Variants in PIGK observed in about 807,000 individuals in gnomAD.
PIGK encodes phosphatidylinositol glycan anchor biosynthesis class K, also known as GPI-anchor transamidase.
A neutral mutation model predicts 50.6 loss-of-function variants in PIGK; 42 were observed. The observed-to-expected ratio is 0.83, with a 90% CI of 0.65 to 1.07. The LOEUF is 1.07. Among genes scored for constraint, PIGK ranks in the 50% least tolerant of loss-of-function variants. The probability of loss-of-function intolerance (pLI) is 0.00; values close to 1 mark genes in which losing one functional copy is unlikely to be tolerated. For synonymous variants in PIGK, 151 were observed against 156.0 expected (o/e 0.97, Z 0.24); for missense variants, 448 against 488.7 (o/e 0.92, Z 0.78).
intron 10 of PIGK, among the ~76,000 whole-genome samples, chr1:77,109,378 A>G (rs925056200): frequency 6.6e-6 from 1 of 152,180 alleles, no homozygotes. Context: ...CTGGCAAACC[A>G]AATCCAGCAG....
At chr1:77,152,231 G>A (rs946052959) in intron 9 of PIGK, among the ~76,000 whole-genome samples, 1 of 152,040 alleles carries the variant, frequency 6.6e-6, no homozygotes, top group Non-Finnish European at 1.5e-5. Flanking sequence ...CAACAAAGGT[G>A]CCAAGAATAT....
chr1:77,103,989 T>C (rs1653610147), intron 10 of PIGK, among the ~76,000 whole-genome samples: 1 of 150,810 alleles, frequency 6.6e-6, no homozygotes, highest in African/African-American at 2.4e-5. Context: ...GGTCACAGCT[T>C]ATAGTGAGGC....
chr1:77,149,794 A>G (rs1476657220), intron 9 of PIGK, among the ~76,000 whole-genome samples: 2 of 152,150 alleles, frequency 1.3e-5, no homozygotes, highest in African/African-American at 2.4e-5. Context: ...CAGATTATAC[A>G]TTTTCCTCAT....
chr1:77,195,768 A>G (rs1003821466), intron 3 of PIGK, among the ~76,000 whole-genome samples: 2 of 152,042 alleles, frequency 1.3e-5, no homozygotes, highest in Admixed American at 1.3e-4. Flanking sequence ...TTTCATATAT[A>G]TACAGAATAT....
intron 9 of PIGK, among the ~76,000 whole-genome samples, chr1:77,136,224 G>C (rs1395677554): frequency 6.6e-6 from 1 of 152,150 alleles, no homozygotes; most frequent in East Asian, 1.9e-4. Context: ...GGTTTCCGCT[G>C]TTGCTATTAA....
intron 3 of PIGK, among the ~76,000 whole-genome samples, chr1:77,199,696 C>T (rs1285006345): frequency 6.6e-6 from 1 of 151,872 alleles, no homozygotes; most frequent in African/African-American, 2.4e-5. Context: ...GTTCTACACA[C>T]AGGGAAACAA....
intron 8 of PIGK, among the ~76,000 whole-genome samples, chr1:77,157,072 T>C (rs946721383): frequency 1.3e-5 from 2 of 152,222 alleles, no homozygotes; most frequent in Admixed American, 1.3e-4. Context: ...TCTTCAACTG[T>C]CACCAATGAC....
intron 3 of PIGK, among the ~76,000 whole-genome samples, chr1:77,184,531 C>T (rs1414191969): frequency 6.6e-6 from 1 of 152,174 alleles, no homozygotes; most frequent in Admixed American, 6.5e-5. Context: ...AATGATCAGA[C>T]ATTTCAGGAA....
chr1:77,212,752 A>G (rs1656449710), intron 1 of PIGK, among the ~76,000 whole-genome samples: 1 of 152,218 alleles, frequency 6.6e-6, no homozygotes, highest in African/African-American at 2.4e-5. Context: ...TCAGCAAGAG[A>G]GCATACAATT....
intron 3 of PIGK, among the ~76,000 whole-genome samples, chr1:77,171,661 C>T (rs1242120344): frequency 6.6e-6 from 1 of 151,834 alleles, no homozygotes; most frequent in Admixed American, 6.6e-5. Flanking sequence ...TTAACATAAT[C>T]AATATATTAT....
At chr1:77,167,428 A>C (rs1324340101) in intron 4 of PIGK, among the ~76,000 whole-genome samples, 1 of 152,232 alleles carries the variant, frequency 6.6e-6, no homozygotes, top group African/African-American at 2.4e-5. Flanking sequence ...TGCTGCCTTT[A>C]AAAACTACTA....
intron 3 of PIGK, among the ~76,000 whole-genome samples, chr1:77,173,891 G>C (rs1655421545): frequency 6.6e-6 from 1 of 152,198 alleles, no homozygotes; most frequent in Non-Finnish European, 1.5e-5. Flanking sequence ...TAATCATGTG[G>C]TGGTACTTTC....
chr1:77,183,247 T>G (rs1163834274), intron 3 of PIGK, among the ~76,000 whole-genome samples: 1 of 152,258 alleles, frequency 6.6e-6, no homozygotes, highest in East Asian at 1.9e-4. Context: ...GTCACTGAGT[T>G]TGTAAACTCT....
intron 10 of PIGK, among the ~76,000 whole-genome samples, chr1:77,103,840 G>A (rs1375549754): frequency 6.6e-6 from 1 of 152,082 alleles, no homozygotes; most frequent in Non-Finnish European, 1.5e-5. Flanking sequence ...ATGCATGCAT[G>A]ACAAGAAACT....
intron 3 of PIGK, among the ~76,000 whole-genome samples, chr1:77,194,154 A>G (rs1258981101): frequency 6.6e-6 from 1 of 152,226 alleles, no homozygotes; most frequent in Non-Finnish European, 1.5e-5. Flanking sequence ...TGCCAGTCAG[A>G]ATGACTATTA....
intron 3 of PIGK, among the ~76,000 whole-genome samples, chr1:77,172,388 C>T (rs1004343929): frequency 5.9e-5 from 9 of 152,282 alleles, no homozygotes; most frequent in South Asian, 2.1e-4. Flanking sequence ...TACCTCACTT[C>T]GCTTTTTTTG....
Position 77,141,347 on chromosome 1 carries a change from T to C in PIGK, c.986+13102A>G, listed in dbSNP as rs183283263. Among the ~76,000 whole-genome samples the C allele has an allele frequency of 3.3e-5, 5 of 152,240 alleles. No individual in the cohort carries two copies. In the East Asian group the frequency reaches 9.7e-4, roughly 29 times the overall value. On this transcript the variant is annotated intron_variant, in intron 9 of 10. Transcript: ENST00000370812. ...CTCTTTACTTCTTGGGAAATCATAC[T>C]AGAACATATTAATATTAGAAGCTGA... is the stretch of plus-strand genomic sequence containing the variant.
At chr1:77,165,845 ATTAATAATAACACTGGGACAACAGGTGT>A (rs1468277602) in intron 5 of PIGK, among the ~76,000 whole-genome samples, 1 of 152,190 alleles carries the variant, frequency 6.6e-6, no homozygotes, top group African/African-American at 2.4e-5. Flanking sequence ...AGCAGAAACT[ATTAATAATAACACTGGGACAACAGGTGT>A]AAACTACAAC....
chr1:77,210,455 G>C lies in PIGK; in HGVS notation c.128C>G (p.Thr43Arg). ...QAEQFFRSGH[T>R]NNWAVLVCTS... ...ACTTACCAGAACAGCCCAGTTGTTT[G>C]TATGGCCACTTCTAAAGAATTGTTC... Residue 43 changes from threonine (T) to arginine (R), a missense_variant, in exon 2 of 11, where the codon ACA becomes AGA. Transcript: ENST00000370812. The C allele has an allele frequency of 6.3e-7, 1 of 1,594,626 alleles. No individual in the cohort carries two copies. Among genetic ancestry groups the C allele is most frequent in the Non-Finnish European group, 8.6e-7 (1 of 1,167,576 alleles).
Sources: gnomAD v4.1 joint callset for allele counts (sites outside exome capture counted in the v4.1 genomes callset) on GRCh38, gnomAD v4.1.1 for gene constraint, MANE v1.5 for transcripts, NCBI Gene and HGNC (gene_info 2026-07-23, HGNC 2026-07-21) for gene names.